The following AMN variants were observed in gnomAD, a reference collection of about 807,000 sequenced individuals.
AMN encodes the protein protein amnionless.
A neutral mutation model predicts 49.1 loss-of-function variants in AMN; 40 were observed. The ratio of observed to expected loss-of-function variants is 0.81; its 90% CI spans 0.63 to 1.06. The LOEUF (loss-of-function observed/expected upper bound fraction) is 1.06, where lower values mean the gene tolerates loss of function less well. Ranked by LOEUF, AMN falls within the 50% of genes least tolerant of loss-of-function variation. The pLI, the probability that AMN is intolerant of heterozygous loss-of-function variation, is 0.00. For synonymous variants in AMN, 380 were observed against 313.3 expected (o/e 1.21, Z -2.25); for missense variants, 701 against 662.8 (o/e 1.06, Z -0.63).
chr14:102,929,953 G>T lies in AMN; in HGVS notation c.873G>T (p.Val291=). Residue 291 remains valine, a synonymous_variant, in exon 9 of 12, where the codon GTG becomes GTT. Transcript: ENST00000299155. Reference sequence around the variant, plus strand: ...AGTACCACGGGCTGCAGGTGGCCGTGTCCAAGGTGCCACGCTCGTCCCGGC... The same window carrying T: ...AGTACCACGGGCTGCAGGTGGCCGTTTCCAAGGTGCCACGCTCGTCCCGGC... The part of the protein sequence containing the change: ...LPQYHGLQVA[V]SKVPRSSRLR... The T allele has an allele frequency of 1.3e-6, 2 of 1,563,948 alleles. No individual in the cohort carries two copies. The highest frequency in any genetic ancestry group is 1.7e-6 in the Non-Finnish European group (2 of 1,155,104).
chr14:102,929,692 C>T lies in AMN; in HGVS notation c.798C>T (p.Asp266=), dbSNP rs767700967. The T allele has an allele frequency of 1.9e-6, 3 of 1,550,900 alleles. No individual in the cohort carries two copies. Among genetic ancestry groups the T allele is most frequent in the Admixed American group, 2.0e-5 (1 of 51,210 alleles). The change falls in exon 8 of 12, where the codon GAC becomes GAT. Residue 266 remains aspartate, a synonymous_variant. Coordinates refer to ENST00000299155, the MANE Select transcript of AMN (RefSeq NM_030943.4). The part of the protein sequence containing the change: ...VVLLTHGPAF[D]LERYRARILD... ...TGCTGACCCACGGCCCCGCATTTGACCTGGAGCGGTACCGGGCGCGGATAC... is the reference window on the plus strand; with the variant it reads ...TGCTGACCCACGGCCCCGCATTTGATCTGGAGCGGTACCGGGCGCGGATAC...
chr14:102,930,025 G>T lies in AMN; in HGVS notation c.945G>T (p.Gly315=), dbSNP rs1434825293. Residue 315 remains glycine (G), a synonymous_variant, in exon 9 of 12, where the codon GGG becomes GGT. Coordinates refer to ENST00000299155, the MANE Select transcript of AMN (RefSeq NM_030943.4). The stretch of plus-strand genomic sequence containing the variant: ...TCCAGGTGGTGCTGGTGGAGAATGG[G>T]CCCGAGACAGGCGGAGCGGGGCGGC... ...TEIQVVLVEN[G]PETGGAGRLA... is the part of the protein sequence containing the mutation. The T allele has an allele frequency of 5.1e-6, 8 of 1,554,382 alleles. No individual in the cohort carries two copies. Among genetic ancestry groups the T allele is most frequent in the African/African-American group, 4.1e-5 (3 of 73,232 alleles).
chr14:102,928,428 C>T lies in AMN; in HGVS notation c.210C>T (p.Leu70=), dbSNP rs750661806. The change falls in exon 4 of 12, where the codon CTC becomes CTT. Residue 70 remains leucine, a splice_region_variant and synonymous_variant. Coordinates refer to ENST00000299155, the MANE Select transcript of AMN (RefSeq NM_030943.4). The part of the protein sequence containing the change: ...VQEGHAVSDM[L]LPLDGELVLA... ...GCCTCAGCCCGTGTCTCTTGCAGCT[C>T]CTGCCGCTGGATGGGGAACTCGTCC... 2.5e-6 allele frequency: 4 copies of T among 1,599,982 alleles called. No individual in the cohort carries two copies. The highest frequency in any genetic ancestry group is 3.4e-6 in the Non-Finnish European group (4 of 1,174,746).
At chr14:102,925,211 G>A (rs1054687115) in intron 3 of AMN, among the ~76,000 whole-genome samples, 4 of 152,222 alleles carry the variant, frequency 2.6e-5, no homozygotes, top group East Asian at 1.9e-4. Context: ...GAGCTGGGTC[G>A]GGGTGTCGGC....
Position 102,930,022 on chromosome 14 carries a change from TG to T in AMN, c.945del (p.Glu317ArgfsTer97). ...TEIQVVLVENGPETGGAGRLA... is the reference protein window; with the variant it reads ...TEIQVVLVENXPETGGAGRLA... ...AGATCCAGGTGGTGCTGGTGGAGAATGGGCCCGAGACAGGCGGAGCGGGGCG... is the reference window on the plus strand; with the variant it reads ...AGATCCAGGTGGTGCTGGTGGAGAATGGCCCGAGACAGGCGGAGCGGGGCG... On this transcript the variant is annotated frameshift_variant, in exon 9 of 12. Transcript: ENST00000299155. LOFTEE classifies it high-confidence loss of function. The T allele has an allele frequency of 6.4e-7, 1 of 1,555,398 alleles. No individual in the cohort carries two copies. The highest frequency in any genetic ancestry group is 8.7e-7 in the Non-Finnish European group (1 of 1,150,564).
Position 102,923,793 on chromosome 14 carries a change from G to T in AMN, c.126G>T (p.Pro42=). The part of the protein sequence containing the change: ...VAANWSQNRT[P]CAGGAVEFPA... ...CCAACTGGAGCCAGAACCGGACCCC[G>T]TGCGCCGGCGGCGCCGTTGAGTTCC... Residue 42 remains proline (P), a synonymous_variant, in exon 2 of 12, where the codon CCG becomes CCT. Transcript: ENST00000299155. 1.9e-6 allele frequency: 3 copies of T among 1,612,704 alleles called. No individual in the cohort carries two copies. Among genetic ancestry groups the T allele is most frequent in the Non-Finnish European group, 2.5e-6 (3 of 1,179,854 alleles).
At chr14:102,923,871 C>T (rs1891125656) in intron 2 of AMN, 42 bp downstream of exon 2, 28 of 1,612,660 alleles carry the variant, frequency 1.7e-5, no homozygotes, top group Non-Finnish European at 2.2e-5. Context: ...GGCCTGGACC[C>T]CTGAGACCGT....
chr14:102,927,494 G>A (rs1393861298), intron 3 of AMN, among the ~76,000 whole-genome samples: 4 of 152,366 alleles, frequency 2.6e-5, no homozygotes, highest in South Asian at 2.1e-4. Context: ...ACCTGTGGGG[G>A]GACTTGCCCT....
chr14:102,929,591 T>TC (rs1175464564), intron 7 of AMN, 55 bp downstream of exon 7: 22 of 1,545,892 alleles, frequency 1.4e-5, no homozygotes, highest in Non-Finnish European at 1.9e-5. Flanking sequence ...ACCAGGTTCG[T>TC]CCCCCGCCTC....
Position 102,930,065 on chromosome 14 carries a change from C to CT in AMN, c.986dup (p.Ala330GlyfsTer?). ...AGCGGGGCGGCTGGCCCGGGCCCTC[C>CT]TGGCGGACGTCGCCGAGAACGGTAA... is the stretch of plus-strand genomic sequence containing the variant. On this transcript the variant is annotated frameshift_variant, in exon 9 of 12. Coordinates refer to ENST00000299155, the MANE Select transcript of AMN (RefSeq NM_030943.4). LOFTEE classifies it high-confidence loss of function. 1 of 1,543,960 alleles carries CT rather than the reference C, an allele frequency of 6.5e-7. No individual in the cohort carries two copies.
Position 102,922,986 on chromosome 14 carries a change from C to T in AMN, c.43+255C>T, listed in dbSNP as rs545740577. On this transcript the variant is annotated intron_variant, in intron 1 of 11. Coordinates refer to ENST00000299155, the MANE Select transcript of AMN (RefSeq NM_030943.4). ...GGGAACCTCGGCCAGCCCCGGCCTC[C>T]GGCGGCTCCTGCCCTCGCGGTTTTT... 215 of 518,394 alleles carry T rather than the reference C, an allele frequency of 4.1e-4. 4 individuals are homozygous for T. In the South Asian group the frequency reaches 5.0e-3, roughly 12 times the overall value. 32.1% of individuals were successfully genotyped at this position (518,394 alleles called of 1,614,324 possible). A position where few individuals can be genotyped will look rare whatever the true frequency, so the allele number is the denominator to read the frequency against.
At chr14:102,927,521 C>A (rs1040602967) in intron 3 of AMN, among the ~76,000 whole-genome samples, 2 of 152,220 alleles carry the variant, frequency 1.3e-5, no homozygotes, top group Non-Finnish European at 2.9e-5. Context: ...AGTGCCACAC[C>A]CTCAGGTGTG....
rs757315069 is a variant in AMN, at chr14:102,930,590, G to C, written c.1272G>C (p.Arg424=). 6 of 1,583,818 alleles carry C rather than the reference G, an allele frequency of 3.8e-6. No homozygotes were observed. The African/African-American group carries it at 5.4e-5, about 14-fold the overall frequency. The change falls in exon 12 of 12, where the codon CGG becomes CGC. Residue 424 remains arginine, a synonymous_variant. Coordinates refer to ENST00000299155, the MANE Select transcript of AMN (RefSeq NM_030943.4). ...TCACCCCGCAGCCCCTGCCGCGGCG[G>C]CTCAGCCTGGTTCCGAAGGCGGCCG... The part of the protein sequence containing the change: ...TASEELPLPR[R]LSLVPKAAAD...
chr14:102,923,693 C>A lies in AMN; in HGVS notation c.44-18C>A. 6.2e-7 allele frequency: 1 copy of A among 1,602,682 alleles called. No homozygotes were observed. The highest frequency in any genetic ancestry group is 8.5e-7 in the Non-Finnish European group (1 of 1,170,888). On this transcript the variant is annotated intron_variant, in intron 1 of 11. Coordinates refer to ENST00000299155, the MANE Select transcript of AMN (RefSeq NM_030943.4). ...CATCCCGGAGAGCATCCCGGGCACT[C>A]AGTCGCCTCCTCCCCAGCACTGACC... is the stretch of plus-strand genomic sequence containing the variant.
chr14:102,923,600 T>C, intron 1 of AMN, 111 bp from the exon 2 acceptor site: 1 of 1,016,848 alleles, frequency 9.8e-7, no homozygotes, highest in Non-Finnish European at 1.6e-6. Context: ...GGGGTTCCTA[T>C]GCGTCCCGGG....
In AMN at chr14:102,929,417, C is replaced by T. The variant is rs1290483708; in HGVS notation, c.652-11C>T. 2.0e-6 allele frequency: 3 copies of T among 1,529,904 alleles called. No homozygotes were observed. The highest frequency in any genetic ancestry group is 2.8e-5 in the African/African-American group (2 of 72,488). The allele number at this position is 1,529,904 out of a possible 1,614,324, so 94.8% of individuals were successfully genotyped here. A position where few individuals can be genotyped will look rare whatever the true frequency, so the allele number is the denominator to read the frequency against. ...CTGGCCCTCCGCGCTGACCACCGCC[C>T]CTCGCACCAGGCGCAGCCGTGGATC... On this transcript the variant is annotated splice_polypyrimidine_tract_variant and intron_variant, in intron 6 of 11. Coordinates refer to ENST00000299155, the MANE Select transcript of AMN (RefSeq NM_030943.4).
chr14:102,922,787 G>C (rs952915295), intron 1 of AMN, 56 bp downstream of exon 1: 110 of 1,546,294 alleles, frequency 7.1e-5, no homozygotes, highest in Admixed American at 5.6e-4. Flanking sequence ...TCAGGACCCA[G>C]GGCCGAGGTC....
chr14:102,930,710 C>T lies in AMN; in HGVS notation c.*30C>T, dbSNP rs752598337. On this transcript the variant is annotated 3_prime_UTR_variant, in exon 12 of 12. Coordinates refer to ENST00000299155, the MANE Select transcript of AMN (RefSeq NM_030943.4). ...CCGCCTGACCGTCGACCTTGGGGCT[C>T]TCCACCCGCTCTGGCCCCAGTCGAA... 4.5e-6 allele frequency: 7 copies of T among 1,552,952 alleles called. No individual in the cohort carries two copies. Among genetic ancestry groups the T allele is most frequent in the Non-Finnish European group, 6.1e-6 (7 of 1,149,494 alleles).
chr14:102,929,616 C>A (rs1356744708), intron 7 of AMN, 39 bp from the exon 8 acceptor site: 1 of 1,547,772 alleles, frequency 6.5e-7, no homozygotes, highest in Non-Finnish European at 8.7e-7. Flanking sequence ...TCCTGCCGGG[C>A]CCGGATCCAC....
Sources: allele counts gnomAD v4.1 joint callset (sites outside exome capture counted in the v4.1 genomes callset), GRCh38; gene constraint gnomAD v4.1.1; transcripts MANE v1.5; gene names NCBI Gene and HGNC (gene_info 2026-07-23, HGNC 2026-07-21).